The following TNN variants were observed in gnomAD, a reference collection of about 807,000 sequenced individuals.
TNN encodes the protein tenascin-N.
TNN carries 122 observed loss-of-function variants against 134.4 expected under a neutral mutation model. The ratio of observed to expected loss-of-function variants is 0.91; its 90% CI spans 0.78 to 1.06. The LOEUF is 1.06. Among genes scored for constraint, TNN ranks in the 50% least tolerant of loss-of-function variants. The pLI, the probability that TNN is intolerant of heterozygous loss-of-function variation, is 0.00. For synonymous variants in TNN, 710 were observed against 670.3 expected, an observed-to-expected ratio of 1.06 and a Z score of -0.91; for missense variants, 1,739 against 1,699.4, an observed-to-expected ratio of 1.02 and a Z score of -0.41.
chr1:175,080,039 G>A (rs1018077954), intron 3 of TNN, 124 bp from the exon 4 acceptor site: 45 of 1,323,760 alleles, frequency 3.4e-5, no homozygotes, highest in Non-Finnish European at 4.2e-5. Flanking sequence ...CTAGGGGTCG[G>A]GAATGGCGCC....
chr1:175,134,026 G>C (rs1040245031), intron 15 of TNN, among the ~76,000 whole-genome samples: 1 of 152,160 alleles, frequency 6.6e-6, no homozygotes, highest in South Asian at 2.1e-4. Context: ...AAATGCAAGG[G>C]AAGCTGTAAA....
rs369375715 is a variant in TNN, at chr1:175,088,552, C to A, written c.1324+3058C>A. On this transcript the variant is annotated intron_variant, in intron 6 of 18. Coordinates refer to ENST00000239462, the MANE Select transcript of TNN (RefSeq NM_022093.2). ...AGCATAATGCTTTTATCTTGGCCTC[C>A]GTGGCCCACCCAGCCTGGGCCACTG... Among the ~76,000 whole-genome samples the A allele has an allele frequency of 5.9e-5, 9 of 152,260 alleles. No individual in the cohort carries two copies. In the South Asian group the frequency reaches 1.9e-3, roughly 32 times the overall value.
intron 6 of TNN, 115 bp from the exon 7 acceptor site, chr1:175,093,875 G>A (rs956405935): frequency 1.0e-5 from 11 of 1,079,916 alleles, no homozygotes; most frequent in South Asian, 6.5e-5. Context: ...AGACCCCCTT[G>A]TATTGCATAA....
chr1:175,079,967 A>AGT (rs3833962), intron 3 of TNN, among the ~76,000 whole-genome samples, 196 bp from the exon 4 acceptor site: 83,826 of 150,354 alleles, frequency 0.56, 23,760 homozygotes, highest in African/African-American at 0.69. Flanking sequence ...GCTGTGTGTG[A>AGT]GTGTGTGTGT....
intron 10 of TNN, 95 bp downstream of exon 10, chr1:175,117,300 A>G (rs1452384556): frequency 6.3e-7 from 1 of 1,579,390 alleles, no homozygotes; most frequent in Non-Finnish European, 8.6e-7. Flanking sequence ...GCAGAAGTCA[A>G]TGATTAATGG....
In TNN at chr1:175,079,592, C is replaced by T. The variant is rs1174337252; in HGVS notation, c.669C>T (p.Phe223=). ...VRGVCQCHED[F]MSEDCSEKRC... is the part of the protein sequence containing the mutation. ...GCGTGTGCCAGTGCCACGAAGACTT[C>T]ATGTCGGAGGACTGCAGCGAGAAGC... is the stretch of plus-strand genomic sequence containing the variant. The change falls in exon 3 of 19, where the codon TTC becomes TTT. Residue 223 remains phenylalanine (F), a synonymous_variant. Coordinates refer to ENST00000239462, the MANE Select transcript of TNN (RefSeq NM_022093.2). 6.3e-7 allele frequency: 1 copy of T among 1,593,636 alleles called. No individual in the cohort carries two copies. The highest frequency in any genetic ancestry group is 1.1e-5 in the South Asian group (1 of 88,318).
At chr1:175,137,236 C>T (rs543923059) in intron 17 of TNN, among the ~76,000 whole-genome samples, 1 of 152,228 alleles carries the variant, frequency 6.6e-6, no homozygotes, top group East Asian at 1.9e-4. Context: ...AAAAACCCTC[C>T]CCTTGTACTC....
At chr1:175,092,258 C>G (rs1674468950) in intron 6 of TNN, among the ~76,000 whole-genome samples, 1 of 152,178 alleles carries the variant, frequency 6.6e-6, no homozygotes, top group African/African-American at 2.4e-5. Flanking sequence ...AGAGAGTTCT[C>G]TCTATCGTTG....
chr1:175,128,359 G>A (rs1474095347), intron 14 of TNN, among the ~76,000 whole-genome samples, 195 bp downstream of exon 14: 1 of 152,174 alleles, frequency 6.6e-6, no homozygotes, highest in Non-Finnish European at 1.5e-5. Flanking sequence ...GTGAAATAGA[G>A]TGTTACTTTG....
intron 11 of TNN, 140 bp from the exon 12 acceptor site, chr1:175,123,260 A>C: frequency 1.0e-6 from 1 of 965,932 alleles, no homozygotes; most frequent in South Asian, 1.7e-5. Flanking sequence ...AATGGAGACC[A>C]GGGGCCTTTG....
chr1:175,115,495 G>A (rs979634093), intron 9 of TNN, among the ~76,000 whole-genome samples: 9 of 152,166 alleles, frequency 5.9e-5, no homozygotes, highest in African/African-American at 1.2e-4. Context: ...ATGTGGAGTC[G>A]TTCCACTGCT....
chr1:175,126,970 G>A lies in TNN; in HGVS notation c.2930G>A (p.Arg977Lys), dbSNP rs749406365. The change falls in exon 13 of 19, where the codon AGA becomes AAA. Residue 977 changes from arginine (R) to lysine (K), a missense_variant. Transcript: ENST00000239462. ...TKAQTELDPP[R>K]NLRPSAVTQS... ...CTACGTACAGAACTCGACCCTCCCA[G>A]AAACCTTCGTCCATCTGCTGTAACG... The A allele has an allele frequency of 6.2e-7, 1 of 1,613,326 alleles. No homozygotes were observed. The highest frequency in any genetic ancestry group is 8.5e-7 in the Non-Finnish European group (1 of 1,179,780).
chr1:175,138,376 G>A (rs1274932919), intron 17 of TNN, among the ~76,000 whole-genome samples: 2 of 152,144 alleles, frequency 1.3e-5, no homozygotes, highest in African/African-American at 4.8e-5. Flanking sequence ...TAATCTTAGG[G>A]ATGTTTAGTA....
Position 175,080,255 on chromosome 1 carries a change from C to T in TNN, c.877C>T (p.Leu293Phe). Residue 293 changes from leucine to phenylalanine, a missense_variant, in exon 4 of 19, where the codon CTC becomes TTC. Physicochemically the swap from Leu to Phe is conservative, Grantham distance 22. Coordinates refer to ENST00000239462, the MANE Select transcript of TNN (RefSeq NM_022093.2). ...CTCCAGCCAGGTGGATCACTACCTC[C>T]TCAGCTACTACCCCCTGGGGAAGGA... ...EPSSQVDHYL[L>F]SYYPLGKELS... is the part of the protein sequence containing the mutation. 6.2e-7 allele frequency: 1 copy of T among 1,614,164 alleles called. No individual in the cohort carries two copies. Among genetic ancestry groups the T allele is most frequent in the East Asian group, 2.2e-5 (1 of 44,876 alleles).
chr1:175,131,857 G>A (rs1388911287), intron 15 of TNN, among the ~76,000 whole-genome samples: 1 of 151,492 alleles, frequency 6.6e-6, no homozygotes, highest in Admixed American at 6.6e-5. Flanking sequence ...GTTCAAAACA[G>A]TGATGCAAAG....
chr1:175,117,430 G>A (rs1675216043), intron 10 of TNN, among the ~76,000 whole-genome samples: 1 of 152,160 alleles, frequency 6.6e-6, no homozygotes, highest in African/African-American at 2.4e-5. Context: ...ACATGGTCAT[G>A]TCCATCAACT....
Position 175,079,430 on chromosome 1 carries a change from G to A in TNN, c.507G>A (p.Leu169=). The change falls in exon 3 of 19, where the codon CTG becomes CTA. Residue 169 remains leucine, a synonymous_variant. Coordinates refer to ENST00000239462, the MANE Select transcript of TNN (RefSeq NM_022093.2). ...EGREGPACER[L]ACPGACSGHG... ...GGGAGGGCCCCGCCTGCGAGCGGCT[G>A]GCCTGCCCCGGGGCGTGCAGCGGCC... The A allele has an allele frequency of 6.3e-7, 1 of 1,584,418 alleles. No homozygotes were observed. Among genetic ancestry groups the A allele is most frequent in the Non-Finnish European group, 8.6e-7 (1 of 1,168,688 alleles).
At chr1:175,080,544 A>G (rs1203549870) in intron 4 of TNN, 118 bp downstream of exon 4, 2 of 1,241,426 alleles carry the variant, frequency 1.6e-6, no homozygotes, top group Non-Finnish European at 2.3e-6. Flanking sequence ...CACACCTGCC[A>G]CAATCCTAGG....
intron 12 of TNN, among the ~76,000 whole-genome samples, chr1:175,124,567 G>A (rs1249809192): frequency 6.6e-6 from 1 of 152,154 alleles, no homozygotes; most frequent in African/African-American, 2.4e-5. Flanking sequence ...TGTAATCCCA[G>A]CTACTTGGGA....
Sources: allele counts gnomAD v4.1 joint callset (sites outside exome capture counted in the v4.1 genomes callset), GRCh38; gene constraint gnomAD v4.1.1; transcripts MANE v1.5; gene names NCBI Gene and HGNC (gene_info 2026-07-23, HGNC 2026-07-21).